SLC22A15: variants seen among roughly 807,000 people sequenced by gnomAD.
SLC22A15 encodes flipt 1.
A neutral mutation model predicts 62.7 loss-of-function variants in SLC22A15; 45 were observed. The ratio of observed to expected loss-of-function variants is 0.72; its 90% CI spans 0.56 to 0.92. The LOEUF (loss-of-function observed/expected upper bound fraction) is 0.92. SLC22A15 is among the 40% of genes least tolerant of loss of function. SLC22A15 has a pLI of 0.00. For synonymous variants in SLC22A15, 264 were observed against 267.0 expected (o/e 0.99, Z 0.11); for missense variants, 622 against 665.6 (o/e 0.93, Z 0.72).
chr1:116,022,722 G>A (rs1689146), intron 4 of SLC22A15, among the ~76,000 whole-genome samples: 23,220 of 152,126 alleles, frequency 0.15, 3,369 homozygotes, highest in African/African-American at 0.39. Flanking sequence ...TTGATGCTGG[G>A]TTAAGATGAG....
Position 116,049,253 on chromosome 1 carries a change from A to C in SLC22A15, c.1171+11865A>C, listed in dbSNP as rs544637350. Among the ~76,000 whole-genome samples the C allele has an allele frequency of 3.3e-5, 5 of 152,374 alleles. No homozygotes were observed. In the East Asian group the frequency reaches 9.6e-4, roughly 29 times the overall value. ...CTATACCTTGGAACAAATGGACTTA[A>C]CAGATATATACAGAACATTTCATGC... On this transcript the variant is annotated intron_variant, in intron 8 of 11. Transcript: ENST00000369503.
intron 2 of SLC22A15, among the ~76,000 whole-genome samples, chr1:116,001,926 G>A (rs948683190): frequency 2.0e-5 from 3 of 152,080 alleles, no homozygotes; most frequent in African/African-American, 4.8e-5. Context: ...TGAAGAGTTA[G>A]GTACTTATTC....
chr1:116,044,020 C>T (rs1034984958), intron 8 of SLC22A15, among the ~76,000 whole-genome samples: 5 of 152,002 alleles, frequency 3.3e-5, no homozygotes, highest in Non-Finnish European at 7.4e-5. Flanking sequence ...TTCTATGAAA[C>T]GCAAAAGAAA....
At chr1:116,032,464 G>C in intron 6 of SLC22A15, 1 of 985,384 alleles carries the variant, frequency 1.0e-6, no homozygotes. Context: ...ATTTCATGCA[G>C]GGATAAAGGA....
intron 1 of SLC22A15, among the ~76,000 whole-genome samples, chr1:115,979,677 T>C (rs1654519467): frequency 6.6e-6 from 1 of 152,244 alleles, no homozygotes; most frequent in Admixed American, 6.5e-5. Context: ...TGTTTGTGTA[T>C]GTGTTTGCTT....
rs534479626 is a variant in SLC22A15 at position 116,066,887 on chromosome 1, A to G, written c.1555-132A>G. The G allele has an allele frequency of 6.0e-5, 57 of 944,260 alleles. No individual in the cohort carries two copies. The African/African-American group carries it at 8.8e-4, about 15-fold the overall frequency. The allele number at this position is 944,260 out of a possible 1,614,324, so 58.5% of individuals were successfully genotyped here. A position where few individuals can be genotyped will look rare whatever the true frequency, so the allele number is the denominator to read the frequency against. ...GATGATTCATTAGCTTTCCTAGAAT[A>G]TTTTAGGGGCTATTTCTTGGGGGAA... On this transcript the variant is annotated intron_variant, in intron 11 of 11. Transcript: ENST00000369503.
rs748016896 is a variant in SLC22A15, at chr1:116,066,607, C to A, written c.1453C>A (p.Leu485Ile). The A allele has an allele frequency of 6.2e-7, 1 of 1,610,256 alleles. No individual in the cohort carries two copies. The highest frequency in any genetic ancestry group is 1.7e-5 in the Admixed American group (1 of 59,464). Reference protein sequence around the residue: ...GLLSLLLPETLNSPLLETFSD... With the variant: ...GLLSLLLPETINSPLLETFSD... The stretch of plus-strand genomic sequence containing the variant: ...CCTGAGTTTGTTATTGCCGGAGACC[C>A]TTAACAGTCCGCTGCTAGAAACATT... The change falls in exon 11 of 12, where the codon CTT (leucine) becomes ATT (isoleucine). Residue 485 changes from leucine (L) to isoleucine (I), a missense_variant. Physicochemically the swap from Leu to Ile is conservative, Grantham distance 5. Coordinates refer to ENST00000369503, the MANE Select transcript of SLC22A15 (RefSeq NM_018420.3).
Position 116,069,185 on chromosome 1 carries a change from T to TA in SLC22A15, c.*2079dup, listed in dbSNP as rs1192187249. ...ATCTACAATTTGAATATGTGTTACT[T>TA]AATAAGGCTAGGCTGGCCATCAGTT... is the stretch of plus-strand genomic sequence containing the variant. On this transcript the variant is annotated 3_prime_UTR_variant, in exon 12 of 12. Coordinates refer to ENST00000369503, the MANE Select transcript of SLC22A15 (RefSeq NM_018420.3). 1 of 152,174 alleles carries TA rather than the reference T, an allele frequency of 6.6e-6. No homozygotes were observed. Among genetic ancestry groups the TA allele is most frequent in the Non-Finnish European group, 1.5e-5 (1 of 68,032 alleles). 9.4% of individuals were successfully genotyped at this position (152,174 alleles called of 1,614,324 possible). A position where few individuals can be genotyped will look rare whatever the true frequency, so the allele number is the denominator to read the frequency against.
chr1:115,992,321 T>C, intron 2 of SLC22A15, 78 bp downstream of exon 2: 4 of 1,217,402 alleles, frequency 3.3e-6, no homozygotes, highest in Non-Finnish European at 4.6e-6. Flanking sequence ...TCTTGCTGAT[T>C]TAAATATCAG....
intron 1 of SLC22A15, among the ~76,000 whole-genome samples, chr1:115,978,694 C>T (rs1425325073): frequency 1.3e-5 from 2 of 152,060 alleles, no homozygotes; most frequent in Non-Finnish European, 2.9e-5. Context: ...AGTGGATATC[C>T]CCAAAGACCT....
intron 8 of SLC22A15, among the ~76,000 whole-genome samples, chr1:116,061,934 C>T (rs778480464): frequency 2.0e-5 from 3 of 152,106 alleles, no homozygotes; most frequent in East Asian, 1.9e-4. Flanking sequence ...ATCGGCTGGG[C>T]GTGGTGGCTC....
intron 2 of SLC22A15, among the ~76,000 whole-genome samples, chr1:116,009,069 A>C (rs903362736): frequency 3.3e-5 from 5 of 152,192 alleles, no homozygotes; most frequent in Admixed American, 6.5e-5. Flanking sequence ...AAGGAGAATT[A>C]AATAGAATGA....
rs767267461 is a variant in SLC22A15, at chr1:115,976,654, G to A, written c.27G>A (p.Ala9=). 3.8e-6 allele frequency: 6 copies of A among 1,587,216 alleles called. No individual in the cohort carries two copies. In the South Asian group the frequency reaches 4.5e-5, roughly 12 times the overall value. The change falls in exon 1 of 12, where the codon GCG becomes GCA. Residue 9 remains alanine (A), a synonymous_variant. Transcript: ENST00000369503. ...TGGAGGTGGAGGAGGCGTTCCAGGC[G>A]GTGGGGGAGATGGGCATCTACCAGA... is the stretch of plus-strand genomic sequence containing the variant. MEVEEAFQ[A]VGEMGIYQMY...
rs1347960671 is a variant in SLC22A15, at chr1:116,069,934, A to G, written c.*2826A>G. The G allele has an allele frequency of 6.6e-6, 1 of 152,212 alleles. No individual in the cohort carries two copies. Among genetic ancestry groups the G allele is most frequent in the Non-Finnish European group, 1.5e-5 (1 of 68,032 alleles). The allele number at this position is 152,212 out of a possible 1,614,324, so 9.4% of individuals were successfully genotyped here. Reference sequence around the variant, plus strand: ...CAGCTTCACATTAGGACTTCTCCATACAAATGCTTTATCATTGGTTCTTAA... The same window carrying G: ...CAGCTTCACATTAGGACTTCTCCATGCAAATGCTTTATCATTGGTTCTTAA... On this transcript the variant is annotated 3_prime_UTR_variant, in exon 12 of 12. Coordinates refer to ENST00000369503, the MANE Select transcript of SLC22A15 (RefSeq NM_018420.3).
chr1:116,034,182 G>GTTAAGAAGTTTTA (rs1253534151), intron 6 of SLC22A15, among the ~76,000 whole-genome samples: 4 of 152,104 alleles, frequency 2.6e-5, no homozygotes, highest in Non-Finnish European at 5.9e-5. Context: ...ACTTAACAAA[G>GTTAAGAAGTTTTA]CTTCGGTGTT....
At chr1:116,017,366 G>A (rs1251968469) in intron 2 of SLC22A15, 4 of 47,306 alleles carry the variant, frequency 8.5e-5, no homozygotes, top group Admixed American at 2.8e-4. Flanking sequence ...GTGAAACCCT[G>A]CCAAAAAAAA....
At chr1:116,007,078 A>G (rs1171945484) in intron 2 of SLC22A15, among the ~76,000 whole-genome samples, 1 of 152,200 alleles carries the variant, frequency 6.6e-6, no homozygotes, top group Non-Finnish European at 1.5e-5. Flanking sequence ...CTTTCTTCCC[A>G]TGATATAGAG....
intron 1 of SLC22A15, among the ~76,000 whole-genome samples, chr1:115,981,081 C>T (rs768234073): frequency 1.3e-5 from 2 of 152,152 alleles, no homozygotes; most frequent in Non-Finnish European, 2.9e-5. Context: ...TCTGCTTATA[C>T]GTGGCACCAT....
chr1:116,038,194 T>G (rs1657683000), intron 8 of SLC22A15, among the ~76,000 whole-genome samples: 1 of 152,182 alleles, frequency 6.6e-6, no homozygotes, highest in Non-Finnish European at 1.5e-5. Context: ...TCTTAGGGGC[T>G]TTTGGATTTT....
Sources: gnomAD v4.1 joint callset for allele counts (sites outside exome capture counted in the v4.1 genomes callset) on GRCh38, gnomAD v4.1.1 for gene constraint, MANE v1.5 for transcripts, NCBI Gene and HGNC (gene_info 2026-07-23, HGNC 2026-07-21) for gene names.